ANK3: variants seen among roughly 807,000 people sequenced by gnomAD.
ANK3 encodes ankyrin 3.
A neutral mutation model predicts 370.9 loss-of-function variants in ANK3; 57 were observed. The observed-to-expected ratio is 0.15, with a 90% CI of 0.12 to 0.19. The LOEUF is 0.19. Ranked by LOEUF, ANK3 falls within the 10% of genes least tolerant of loss-of-function variation. The pLI is 1.00. For synonymous variants in ANK3, 1,929 were observed against 1,946.3 expected (o/e 0.99, Z 0.23); for missense variants, 4,439 against 5,302.1 (o/e 0.84, Z 5.06).
At chr10:60,122,114 G>GAAAAC (rs1202582133) in intron 25 of ANK3, among the ~76,000 whole-genome samples, 1 of 152,150 alleles carries the variant, frequency 6.6e-6, no homozygotes, top group Non-Finnish European at 1.5e-5. Context: ...ACTTGTTAAT[G>GAAAAC]AAAACACTTC....
intron 5 of ANK3, among the ~76,000 whole-genome samples, chr10:60,267,202 T>TA (rs1188453614): frequency 1.3e-5 from 2 of 152,176 alleles, no homozygotes; most frequent in Non-Finnish European, 2.9e-5. Flanking sequence ...AATTGCCCCC[T>TA]ACTGTTTGTT....
At chr10:60,430,213 C>T (rs533598312) in intron 2 of ANK3, among the ~76,000 whole-genome samples, 58 of 152,206 alleles carry the variant, frequency 3.8e-4, no homozygotes, top group Non-Finnish European at 4.0e-4. Flanking sequence ...GAAAGTCTGC[C>T]TGAAGGCTGA....
chr10:60,596,906 A>C (rs928584968), intron 2 of ANK3, among the ~76,000 whole-genome samples: 2 of 152,120 alleles, frequency 1.3e-5, no homozygotes, highest in African/African-American at 2.4e-5. Flanking sequence ...GACATTAGAA[A>C]CCCCAAAATT....
intron 1 of ANK3, among the ~76,000 whole-genome samples, chr10:60,676,390 T>TTCTA (rs10656022): frequency 0.33 from 50,757 of 151,784 alleles, 8,632 homozygotes; most frequent in African/African-American, 0.38. Flanking sequence ...ATTCTACATT[T>TTCTA]TCTATAAATC....
intron 7 of ANK3, among the ~76,000 whole-genome samples, chr10:60,256,399 A>G (rs2097735818): frequency 6.6e-6 from 1 of 152,236 alleles, no homozygotes; most frequent in Non-Finnish European, 1.5e-5. Flanking sequence ...AATCCCCCAG[A>G]TAATGCTCAT....
intron 2 of ANK3, among the ~76,000 whole-genome samples, chr10:60,425,153 T>C (rs150034326): frequency 7.2e-5 from 11 of 152,074 alleles, no homozygotes; most frequent in Admixed American, 6.6e-4. Flanking sequence ...GGGCACGTGA[T>C]GGAGTCTTTG....
At chr10:60,234,603 A>G in intron 8 of ANK3, 85 bp downstream of exon 8, 1 of 748,584 alleles carries the variant, frequency 1.3e-6, no homozygotes, top group Non-Finnish European at 2.4e-6. Context: ...AACAAAGCTC[A>G]TGTTGTATCA....
intron 5 of ANK3, among the ~76,000 whole-genome samples, chr10:60,268,166 C>T (rs2097910067): frequency 2.0e-5 from 3 of 152,158 alleles, no homozygotes; most frequent in Admixed American, 1.3e-4. Flanking sequence ...TGCCCTTGCA[C>T]CCGGCTAAAT....
At chr10:60,650,551 G>C (rs1393639867) in intron 1 of ANK3, among the ~76,000 whole-genome samples, 1 of 152,138 alleles carries the variant, frequency 6.6e-6, no homozygotes, top group African/African-American at 2.4e-5. Flanking sequence ...GGCATGCATA[G>C]TTCTAATATG....
chr10:60,644,546 A>G (rs560582919), intron 1 of ANK3, among the ~76,000 whole-genome samples: 7 of 152,000 alleles, frequency 4.6e-5, no homozygotes, highest in Admixed American at 1.3e-4. Flanking sequence ...TATTGGAAAA[A>G]AAATGCAGCA....
chr10:60,360,707 G>A (rs1375385268), intron 1 of ANK3, among the ~76,000 whole-genome samples: 4 of 151,984 alleles, frequency 2.6e-5, no homozygotes, highest in African/African-American at 9.7e-5. Context: ...AAAAAAAAAA[G>A]TACTGTCTAA....
At chr10:60,261,229 G>A (rs1457409705) in intron 7 of ANK3, among the ~76,000 whole-genome samples, 2 of 152,194 alleles carry the variant, frequency 1.3e-5, no homozygotes, top group Non-Finnish European at 2.9e-5. Context: ...TTCCAACAGT[G>A]TTTCTGATGG....
At chr10:60,278,735 T>C in intron 4 of ANK3, 39 bp downstream of exon 4, 1 of 1,515,138 alleles carries the variant, frequency 6.6e-7, no homozygotes, top group South Asian at 1.1e-5. Flanking sequence ...TGTTTGTAAA[T>C]GATAACAAAA....
chr10:60,583,499 G>T (rs2133282912), intron 2 of ANK3, among the ~76,000 whole-genome samples: 1 of 149,962 alleles, frequency 6.7e-6, no homozygotes, highest in Non-Finnish European at 1.5e-5. Flanking sequence ...ATAGCTTACA[G>T]AGAGGTTTTT....
At chr10:60,458,479 A>G (rs2064805535) in intron 2 of ANK3, among the ~76,000 whole-genome samples, 1 of 152,144 alleles carries the variant, frequency 6.6e-6, no homozygotes, top group African/African-American at 2.4e-5. Flanking sequence ...AAACAGGCAA[A>G]TACCAGCTGA....
At chr10:60,314,202 C>T (rs1444992047) in intron 1 of ANK3, among the ~76,000 whole-genome samples, 1 of 152,212 alleles carries the variant, frequency 6.6e-6, no homozygotes, top group Non-Finnish European at 1.5e-5. Context: ...TGTCCAGTTA[C>T]TGTTTTCAGT....
At chr10:60,609,046 T>C (rs981658688) in intron 2 of ANK3, among the ~76,000 whole-genome samples, 4 of 152,150 alleles carry the variant, frequency 2.6e-5, no homozygotes, top group Non-Finnish European at 5.9e-5. Context: ...TAGAATGCCA[T>C]CAATTGAAGA....
At chr10:60,665,064 A>T (rs1199194279) in intron 1 of ANK3, among the ~76,000 whole-genome samples, 1 of 151,342 alleles carries the variant, frequency 6.6e-6, no homozygotes, top group Non-Finnish European at 1.5e-5. Context: ...GTTGCCTATG[A>T]TGACTCAGCT....
chr10:60,508,979 T>C (rs1172267174), intron 2 of ANK3, among the ~76,000 whole-genome samples: 1 of 152,134 alleles, frequency 6.6e-6, no homozygotes, highest in Non-Finnish European at 1.5e-5. Context: ...TGTCTAATGA[T>C]TGTTGCTGGA....
Sources: allele counts gnomAD v4.1 joint callset (sites outside exome capture counted in the v4.1 genomes callset), GRCh38; gene constraint gnomAD v4.1.1; transcripts MANE v1.5; gene names NCBI Gene and HGNC (gene_info 2026-07-23, HGNC 2026-07-21).